Variants in CEP63 observed in about 807,000 individuals in gnomAD.
The protein encoded by CEP63 is centrosomal protein 63.
CEP63 carries 84 observed loss-of-function variants against 89.1 expected under a neutral mutation model. The observed-to-expected ratio is 0.94, with a 90% confidence interval of 0.79 to 1.13. The LOEUF (loss-of-function observed/expected upper bound fraction) is 1.13. Among genes scored for constraint, CEP63 ranks in the 50% most tolerant of loss-of-function variants. The probability of loss-of-function intolerance (pLI) is 0.00; values close to 1 mark genes in which losing one functional copy is unlikely to be tolerated. For synonymous variants in CEP63, 267 were observed against 272.5 expected, an observed-to-expected ratio of 0.98 and a Z score of 0.20; for missense variants, 838 against 813.3, an observed-to-expected ratio of 1.03 and a Z score of -0.37.
chr3:134,510,211 TAAAAG>T (rs1161184711), intron 3 of CEP63, among the ~76,000 whole-genome samples: 1 of 152,216 alleles, frequency 6.6e-6, no homozygotes. Flanking sequence ...AATTTTCACT[TAAAAG>T]AGCTGTAGCT....
intron 6 of CEP63, among the ~76,000 whole-genome samples, chr3:134,541,721 C>T (rs1483262505): frequency 6.7e-6 from 1 of 148,964 alleles, no homozygotes; most frequent in Non-Finnish European, 1.5e-5. Context: ...CTATCCTGGT[C>T]AGGCTTTTCT....
chr3:134,762,786 C>T, the CEP63 span, among the ~76,000 whole-genome samples: 1,587 of 152,290 alleles, frequency 0.01, 29 homozygotes, highest in African/African-American at 0.036. Flanking sequence ...TGTGGCACTT[C>T]GTTACAGCAG....
chr3:134,681,026 T>G, the CEP63 span, among the ~76,000 whole-genome samples: 1 of 152,156 alleles, frequency 6.6e-6, no homozygotes, highest in Non-Finnish European at 1.5e-5. Flanking sequence ...CAGGAGCCTC[T>G]GAACACCCCA....
At chr3:134,708,894 G>C in the CEP63 span, among the ~76,000 whole-genome samples, 1 of 152,078 alleles carries the variant, frequency 6.6e-6, no homozygotes, top group East Asian at 1.9e-4. Flanking sequence ...TGTCTGGAAG[G>C]CTAGTGGGGG....
the CEP63 span, among the ~76,000 whole-genome samples, chr3:134,657,114 A>G: frequency 3.3e-5 from 5 of 152,206 alleles, no homozygotes; most frequent in African/African-American, 1.2e-4. Context: ...TTACAGTTCT[A>G]TGTAGTTGGG....
the CEP63 span, chr3:134,607,009 A>T: frequency 8.1e-6 from 8 of 984,728 alleles, no homozygotes; most frequent in African/African-American, 1.2e-4. Context: ...TATCAGATAT[A>T]TGGAATCATA....
chr3:134,610,833 G>A, the CEP63 span: 1 of 154,554 alleles, frequency 6.5e-6, no homozygotes, highest in South Asian at 2.0e-4. Context: ...GGAGAACCAG[G>A]GCGCTTCTGG....
At chr3:134,581,710 C>G (rs1476857674) in intron 10 of CEP63, among the ~76,000 whole-genome samples, 4 of 128,050 alleles carry the variant, frequency 3.1e-5, no homozygotes, top group African/African-American at 6.2e-5. Context: ...GAGTCTCGCT[C>G]TGTTGCCCAG....
the CEP63 span, among the ~76,000 whole-genome samples, chr3:134,761,420 G>A: frequency 0.051 from 7,781 of 152,278 alleles, 639 homozygotes; most frequent in African/African-American, 0.17. Flanking sequence ...GTGGAGCCCC[G>A]GACACCGCCT....
intron 11 of CEP63, 22 bp downstream of exon 11, chr3:134,550,282 T>C (rs1325765642): frequency 6.2e-7 from 1 of 1,607,692 alleles, no homozygotes; most frequent in African/African-American, 1.3e-5. Context: ...ACAAAACCTT[T>C]TTTAAATTTG....
At chr3:134,621,522 G>T in the CEP63 span, among the ~76,000 whole-genome samples, 1 of 152,146 alleles carries the variant, frequency 6.6e-6, no homozygotes, top group African/African-American at 2.4e-5. Context: ...ACATGCAAAA[G>T]AATAAACTTG....
At position 134,488,126 on chromosome 3, in the gene CEP63, G is replaced by C. The variant is rs192316399; in HGVS notation, c.-26+1924G>C. On this transcript the variant is annotated intron_variant, in intron 1 of 14. Transcript: ENST00000675561. ...GGCTAGTGAGCATTACCTACCACCT[G>C]AGCTCTGCCTCCTGTCAGATCAGCC... 2.0e-5 allele frequency: 3 copies of C among 152,396 alleles called. No homozygotes were observed. The East Asian group carries it at 5.8e-4, about 29-fold the overall frequency. The allele number at this position is 152,396 out of a possible 1,614,324, so 9.4% of individuals were successfully genotyped here. A position where few individuals can be genotyped will look rare whatever the true frequency, so the allele number is the denominator to read the frequency against.
the CEP63 span, among the ~76,000 whole-genome samples, chr3:134,710,368 C>G: frequency 6.6e-6 from 1 of 152,212 alleles, no homozygotes; most frequent in Non-Finnish European, 1.5e-5. Context: ...TGAAGGGAGG[C>G]TGTGTGCTGT....
At chr3:134,543,755 A>G (rs1026233371) in intron 6 of CEP63, among the ~76,000 whole-genome samples, 2 of 152,226 alleles carry the variant, frequency 1.3e-5, no homozygotes, top group African/African-American at 4.8e-5. Flanking sequence ...GGGACATTTC[A>G]GCAAGCTGGG....
At chr3:134,717,482 G>A in the CEP63 span, among the ~76,000 whole-genome samples, 2 of 152,126 alleles carry the variant, frequency 1.3e-5, no homozygotes, top group Non-Finnish European at 2.9e-5. Flanking sequence ...TCAAATAAGT[G>A]GTAATTTACT....
At chr3:134,512,444 C>A (rs951798623) in intron 3 of CEP63, among the ~76,000 whole-genome samples, 1 of 152,156 alleles carries the variant, frequency 6.6e-6, no homozygotes, top group Non-Finnish European at 1.5e-5. Context: ...AGCTGAATGG[C>A]CTTGGACAAG....
At chr3:134,570,925 G>A (rs907040622) in intron 11 of CEP63, among the ~76,000 whole-genome samples, 1 of 152,216 alleles carries the variant, frequency 6.6e-6, no homozygotes, top group Non-Finnish European at 1.5e-5. Flanking sequence ...CAAAAAGAGA[G>A]CCTGTGCAGA....
chr3:134,760,555 T>C, the CEP63 span, among the ~76,000 whole-genome samples: 16 of 152,292 alleles, frequency 1.1e-4, no homozygotes, highest in Admixed American at 2.6e-4. Context: ...GAAGTAAATG[T>C]GGTAGAAGAA....
chr3:134,557,376 G>GTTTTTTTTTT (rs199930556), intron 12 of CEP63, among the ~76,000 whole-genome samples: 1,725 of 101,176 alleles, frequency 0.017, 210 homozygotes, highest in African/African-American at 0.032. Flanking sequence ...TTCATAATTT[G>GTTTTTTTTTT]TTTTTTTTTT....
Sources: gnomAD v4.1 joint callset for allele counts (sites outside exome capture counted in the v4.1 genomes callset) on GRCh38, gnomAD v4.1.1 for gene constraint, MANE v1.5 for transcripts, NCBI Gene and HGNC (gene_info 2026-07-23, HGNC 2026-07-21) for gene names.